ACTR3: variants seen among roughly 807,000 people sequenced by gnomAD.
ACTR3 encodes the protein actin-related protein 3.
Under a neutral mutation model 56.8 loss-of-function variants are expected in ACTR3, and 12 were observed. The observed-to-expected ratio is 0.21, with a 90% CI of 0.14 to 0.34. ACTR3 has a LOEUF of 0.34. Among genes scored for constraint, ACTR3 ranks in the 10% least tolerant of loss-of-function variants. ACTR3 has a pLI of 1.00. For synonymous variants in ACTR3, 162 were observed against 167.4 expected (o/e 0.97, Z 0.25); for missense variants, 282 against 512.5 (o/e 0.55, Z 4.34).
At chr2:113,910,962 T>C (rs1471330897) in intron 1 of ACTR3, among the ~76,000 whole-genome samples, 1 of 152,208 alleles carries the variant, frequency 6.6e-6, no homozygotes, top group Non-Finnish European at 1.5e-5. Context: ...ATTGGTTAGA[T>C]AGTAGTAGGC....
chr2:113,941,514 GC>G (rs1278029363), intron 7 of ACTR3, among the ~76,000 whole-genome samples: 1 of 152,012 alleles, frequency 6.6e-6, no homozygotes, highest in Non-Finnish European at 1.5e-5. Flanking sequence ...CTTGGATGGT[GC>G]CTGTGATGTG....
At chr2:113,912,496 A>G (rs1679326288) in intron 1 of ACTR3, among the ~76,000 whole-genome samples, 1 of 152,170 alleles carries the variant, frequency 6.6e-6, no homozygotes, top group Non-Finnish European at 1.5e-5. Flanking sequence ...ATTAAATCTT[A>G]TATTTATTTT....
At position 113,897,490 on chromosome 2, in the gene ACTR3, A is replaced by G. The variant is rs572705346; in HGVS notation, c.44+7167A>G. 3.9e-4 allele frequency among the ~76,000 whole-genome samples: 59 copies of G among 151,090 alleles called. 1 individual carries two copies. The highest frequency in any genetic ancestry group is 3.4e-3 in the Middle Eastern group (1 of 292). On this transcript the variant is annotated intron_variant, in intron 1 of 11. Coordinates refer to ENST00000263238, the MANE Select transcript of ACTR3 (RefSeq NM_005721.5). ...CATACTCCTTGGAACCAGGAAAGGA[A>G]TAGCTTGAATTTGTGTGGCCAGATG... is the stretch of plus-strand genomic sequence containing the variant.
intron 11 of ACTR3, among the ~76,000 whole-genome samples, chr2:113,956,644 G>T (rs545872998): frequency 1.3e-5 from 2 of 152,264 alleles, no homozygotes; most frequent in Non-Finnish European, 2.9e-5. Flanking sequence ...CCCTAAAAAG[G>T]TGTTCTAGTG....
chr2:113,896,910 C>T (rs980364722), intron 1 of ACTR3, among the ~76,000 whole-genome samples: 1 of 152,178 alleles, frequency 6.6e-6, no homozygotes, highest in Non-Finnish European at 1.5e-5. Context: ...CTCCTGCTCC[C>T]CCAACTTGTG....
At position 113,927,340 on chromosome 2, in the gene ACTR3, A is replaced by T. The variant is rs1273852185; in HGVS notation, c.226-5A>T. The T allele has an allele frequency of 1.3e-6, 2 of 1,531,930 alleles. No individual in the cohort carries two copies. The highest frequency in any genetic ancestry group is 1.8e-6 in the Non-Finnish European group (2 of 1,140,548). The allele number at this position is 1,531,930 out of a possible 1,614,324, so 94.9% of individuals were successfully genotyped here. ...TAATTTGTATTTCCCTTTTTGTTTT[A>T]ATAGTGGCCAATCCGCCATGGTATA... On this transcript the variant is annotated splice_polypyrimidine_tract_variant and splice_region_variant and intron_variant, in intron 3 of 11. Transcript: ENST00000263238.
At chr2:113,899,387 TAGA>T (rs1273540130) in intron 1 of ACTR3, among the ~76,000 whole-genome samples, 2 of 151,146 alleles carry the variant, frequency 1.3e-5, no homozygotes, top group East Asian at 2.0e-4. Flanking sequence ...AGTAAAAAAA[TAGA>T]AGAACTTAAA....
intron 2 of ACTR3, among the ~76,000 whole-genome samples, chr2:113,915,813 TGTAAGAAG>T (rs940273460): frequency 1.4e-4 from 21 of 152,346 alleles, no homozygotes; most frequent in Middle Eastern, 6.8e-3. Context: ...ATTTGCCTGC[TGTAAGAAG>T]GTTTTTGATT....
intron 8 of ACTR3, among the ~76,000 whole-genome samples, chr2:113,944,133 C>T (rs1193134076): frequency 6.6e-6 from 1 of 152,008 alleles, no homozygotes. Context: ...TTTTCAGCAT[C>T]TAGGTTATTG....
intron 10 of ACTR3, chr2:113,954,806 C>T (rs764438070): frequency 6.6e-6 from 1 of 151,946 alleles, no homozygotes; most frequent in Non-Finnish European, 1.5e-5. Context: ...TAGTGGAGAA[C>T]GTTACTAAGA....
chr2:113,908,773 C>T (rs10176845), intron 1 of ACTR3, among the ~76,000 whole-genome samples: 7,457 of 151,852 alleles, frequency 0.049, 591 homozygotes, highest in African/African-American at 0.17. Flanking sequence ...TTTTGTCATT[C>T]AGCACTTTAC....
chr2:113,916,671 T>G (rs925153903), intron 2 of ACTR3, among the ~76,000 whole-genome samples: 3 of 152,190 alleles, frequency 2.0e-5, no homozygotes, highest in African/African-American at 7.2e-5. Context: ...GCTTTTTGCA[T>G]TTGAGGTCTT....
At chr2:113,901,137 G>A (rs886255683) in intron 1 of ACTR3, among the ~76,000 whole-genome samples, 3 of 152,106 alleles carry the variant, frequency 2.0e-5, no homozygotes, top group African/African-American at 4.8e-5. Context: ...TGACCAACAC[G>A]GAGAAACCCC....
At chr2:113,890,950 A>G (rs571077488) in intron 1 of ACTR3, among the ~76,000 whole-genome samples, 1 of 152,254 alleles carries the variant, frequency 6.6e-6, no homozygotes, top group South Asian at 2.1e-4. Context: ...CCGGTGAACC[A>G]AGTCACATTT....
At chr2:113,934,002 C>T (rs1487593589) in intron 5 of ACTR3, 2 of 345,066 alleles carry the variant, frequency 5.8e-6, no homozygotes, top group African/African-American at 2.2e-5. Context: ...ACATTTTTAG[C>T]TTTAGGACAG....
chr2:113,900,525 G>A (rs13036249), intron 1 of ACTR3, among the ~76,000 whole-genome samples: 11,186 of 152,260 alleles, frequency 0.073, 461 homozygotes, highest in African/African-American at 0.1. Context: ...AATGGGTAGA[G>A]GGATAAAGGA....
chr2:113,911,798 G>T (rs1333354964), intron 1 of ACTR3, among the ~76,000 whole-genome samples: 1 of 151,668 alleles, frequency 6.6e-6, no homozygotes, highest in Non-Finnish European at 1.5e-5. Context: ...GTGCAGTGGT[G>T]TGATCTCGGC....
At chr2:113,912,060 G>A (rs1679317244) in intron 1 of ACTR3, among the ~76,000 whole-genome samples, 1 of 151,982 alleles carries the variant, frequency 6.6e-6, no homozygotes, top group Non-Finnish European at 1.5e-5. Flanking sequence ...AGTTTTAGTA[G>A]CGAGGGTGTT....
chr2:113,957,726 G>A lies in ACTR3; in HGVS notation c.*271G>A, dbSNP rs551279078. The A allele has an allele frequency of 1.4e-5, 5 of 352,354 alleles. No homozygotes were observed. The East Asian group carries it at 2.3e-4, about 16-fold the overall frequency. The allele number at this position is 352,354 out of a possible 1,614,324, so 21.8% of individuals were successfully genotyped here. On this transcript the variant is annotated 3_prime_UTR_variant, in exon 12 of 12. Transcript: ENST00000263238. Reference sequence around the variant, plus strand: ...AGTTCTTTCTGTGCCCTGATATTTTGTATATTAATGAATTATCCAAGATTC... The same window carrying A: ...AGTTCTTTCTGTGCCCTGATATTTTATATATTAATGAATTATCCAAGATTC...
Sources: gnomAD v4.1 joint callset for allele counts (sites outside exome capture counted in the v4.1 genomes callset) on GRCh38, gnomAD v4.1.1 for gene constraint, MANE v1.5 for transcripts, NCBI Gene and HGNC (gene_info 2026-07-23, HGNC 2026-07-21) for gene names.